Variants in HMBOX1 observed in about 807,000 individuals in gnomAD.
The protein encoded by HMBOX1 is homeobox-containing protein 1.
HMBOX1 carries 14 observed loss-of-function variants against 54.5 expected under a neutral mutation model. The observed-to-expected ratio is 0.26, with a 90% CI of 0.17 to 0.40. HMBOX1 has a LOEUF of 0.40. Among genes scored for constraint, HMBOX1 ranks in the 10% least tolerant of loss-of-function variants. HMBOX1 has a pLI of 1.00. For synonymous variants in HMBOX1, 160 were observed against 181.0 expected, an observed-to-expected ratio of 0.88 and a Z score of 0.93; for missense variants, 332 against 514.4, an observed-to-expected ratio of 0.65 and a Z score of 3.43.
intron 8 of HMBOX1, among the ~76,000 whole-genome samples, chr8:29,048,267 CAT>C (rs1263892309): frequency 6.6e-6 from 1 of 152,216 alleles, no homozygotes; most frequent in East Asian, 1.9e-4. Context: ...TATATATACA[CAT>C]ATCAAAACAT....
At chr8:29,014,188 T>G (rs1175620083) in intron 5 of HMBOX1, among the ~76,000 whole-genome samples, 1 of 152,048 alleles carries the variant, frequency 6.6e-6, no homozygotes, top group African/African-American at 2.4e-5. Flanking sequence ...TGAAAAGAGT[T>G]TTGGGTTTTT....
chr8:28,952,203 T>C (rs1823576208), intron 1 of HMBOX1, among the ~76,000 whole-genome samples: 1 of 149,688 alleles, frequency 6.7e-6, no homozygotes, highest in Non-Finnish European at 1.5e-5. Flanking sequence ...GAGAAAACCA[T>C]ATCCAACTGG....
intron 1 of HMBOX1, among the ~76,000 whole-genome samples, chr8:28,946,089 A>G (rs1400668094): frequency 6.6e-6 from 1 of 151,448 alleles, no homozygotes; most frequent in Non-Finnish European, 1.5e-5. Context: ...AGTAGCTGGG[A>G]TTACAGGTGC....
intron 4 of HMBOX1, among the ~76,000 whole-genome samples, chr8:28,999,392 G>T (rs1388046283): frequency 6.6e-6 from 1 of 152,128 alleles, no homozygotes; most frequent in African/African-American, 2.4e-5. Flanking sequence ...CCTACCTGAA[G>T]ATCATTGAGC....
chr8:28,994,124 G>A (rs1370183983), intron 4 of HMBOX1, among the ~76,000 whole-genome samples: 2 of 148,164 alleles, frequency 1.3e-5, no homozygotes, highest in Non-Finnish European at 3.0e-5. Context: ...CCAAGATTGC[G>A]CTACTGCAAT....
chr8:29,049,535 G>A, intron 9 of HMBOX1: 1 of 1,268,944 alleles, frequency 7.9e-7, no homozygotes, highest in African/African-American at 1.5e-5. Context: ...GAACCCTCCT[G>A]CCCAAAGGAG....
At chr8:28,965,153 G>A (rs556465550) in intron 2 of HMBOX1, among the ~76,000 whole-genome samples, 26 of 152,206 alleles carry the variant, frequency 1.7e-4, no homozygotes, top group Non-Finnish European at 2.8e-4. Flanking sequence ...GTTCCTTGTT[G>A]TGTCCTCTGT....
At chr8:29,031,593 G>C (rs1437600139) in intron 6 of HMBOX1, among the ~76,000 whole-genome samples, 3 of 151,544 alleles carry the variant, frequency 2.0e-5, no homozygotes, top group Non-Finnish European at 1.5e-5. Flanking sequence ...AGAACAACTG[G>C]TGCTCCAGGC....
At chr8:28,960,784 T>TGG (rs1825425583) in intron 1 of HMBOX1, among the ~76,000 whole-genome samples, 2 of 72,292 alleles carry the variant, frequency 2.8e-5, no homozygotes, top group Admixed American at 1.3e-4. Context: ...TTTTTTTTTT[T>TGG]TTTTTTTTTT....
rs985085506 is a variant in HMBOX1, at chr8:29,052,964, C to T, written c.*1809C>T. On this transcript the variant is annotated 3_prime_UTR_variant, in exon 10 of 10. Coordinates refer to ENST00000287701, the MANE Select transcript of HMBOX1 (RefSeq NM_001135726.3). ...ATCCTCCTCCACCAAATGTATTCAA[C>T]TTAAAACTGTGAGAGAGAGAGACTG... 6.6e-6 allele frequency: 1 copy of T among 152,296 alleles called. No homozygotes were observed. Among genetic ancestry groups the T allele is most frequent in the African/African-American group, 2.4e-5 (1 of 41,424 alleles). The allele number at this position is 152,296 out of a possible 1,614,324, so 9.4% of individuals were successfully genotyped here. A position where few individuals can be genotyped will look rare whatever the true frequency, so the allele number is the denominator to read the frequency against.
intron 4 of HMBOX1, among the ~76,000 whole-genome samples, chr8:28,988,481 C>T (rs879870454): frequency 1.3e-5 from 2 of 152,088 alleles, no homozygotes; most frequent in East Asian, 1.9e-4. Flanking sequence ...GGTAAATATA[C>T]GTTTAACTTT....
intron 1 of HMBOX1, among the ~76,000 whole-genome samples, chr8:28,927,564 T>C (rs1818749908): frequency 6.6e-6 from 1 of 151,918 alleles, no homozygotes. Context: ...AGGGAGGTGC[T>C]GAGTGAGAAC....
At chr8:29,001,411 G>A (rs564170618) in intron 4 of HMBOX1, among the ~76,000 whole-genome samples, 209 of 152,238 alleles carry the variant, frequency 1.4e-3, no homozygotes, top group Non-Finnish European at 2.2e-3. Context: ...TTAGCCAGGC[G>A]TGGTGGTGGG....
At chr8:28,927,675 G>C (rs779372330) in intron 1 of HMBOX1, among the ~76,000 whole-genome samples, 16 of 152,038 alleles carry the variant, frequency 1.1e-4, no homozygotes, top group Non-Finnish European at 2.2e-4. Flanking sequence ...GTGAGGATCA[G>C]ATTTCAACAT....
intron 1 of HMBOX1, among the ~76,000 whole-genome samples, chr8:28,895,622 C>T (rs1053204865): frequency 6.6e-6 from 1 of 151,860 alleles, no homozygotes; most frequent in Non-Finnish European, 1.5e-5. Flanking sequence ...TTGTAGTGAG[C>T]TGAGATTGCG....
intron 4 of HMBOX1, among the ~76,000 whole-genome samples, chr8:28,992,308 A>G (rs1046765093): frequency 2.0e-5 from 3 of 152,160 alleles, no homozygotes; most frequent in Non-Finnish European, 4.4e-5. Context: ...GTTTTGGTAA[A>G]GTTTCAAATG....
chr8:29,023,847 C>G (rs1801597848), intron 6 of HMBOX1, among the ~76,000 whole-genome samples: 1 of 152,144 alleles, frequency 6.6e-6, no homozygotes, highest in Non-Finnish European at 1.5e-5. Context: ...ACCCGAGGAG[C>G]TTTTAAAACT....
intron 2 of HMBOX1, among the ~76,000 whole-genome samples, chr8:28,966,703 C>T (rs1002762357): frequency 3.3e-5 from 5 of 152,158 alleles, no homozygotes; most frequent in Admixed American, 6.5e-5. Context: ...CTAGACTCAG[C>T]GTTTTCTCAG....
In HMBOX1 at chr8:28,970,120, G is replaced by A. The variant is rs1263686713; in HGVS notation, c.101G>A (p.Arg34Gln). 7 of 1,613,758 alleles carry A rather than the reference G, an allele frequency of 4.3e-6. No homozygotes were observed. The highest frequency in any genetic ancestry group is 1.7e-5 in the Admixed American group (1 of 59,962). The part of the protein sequence containing the change: ...IEQIDLLQRL[R>Q]RTGMTKHEIL... ...CAGATAGATCTGCTTCAGCGACTTC[G>A]GCGTACTGGAATGACTAAACATGAA... is the stretch of plus-strand genomic sequence containing the variant. Residue 34 changes from arginine to glutamine, a missense_variant, in exon 3 of 10, where the codon CGG becomes CAG. Around this residue, in one of 4 missense-constraint regions of HMBOX1, gnomAD observed 146 missense variants for 173.3 expected, o/e 0.84. Coordinates refer to ENST00000287701, the MANE Select transcript of HMBOX1 (RefSeq NM_001135726.3). This position sits in a 1 kb window ranked among gnomAD's most constrained non-coding sequence, Gnocchi z 4.3.
Sources: gnomAD v4.1 joint callset for allele counts (sites outside exome capture counted in the v4.1 genomes callset) on GRCh38, gnomAD v4.1.1 for gene constraint, gnomAD v4.1.1 regional missense constraint, Gnocchi (gnomAD v3.1) non-coding constraint, MANE v1.5 for transcripts, NCBI Gene and HGNC (gene_info 2026-07-23, HGNC 2026-07-21) for gene names.